Variants in LRRC4C observed in about 807,000 individuals in gnomAD.
LRRC4C encodes leucine-rich repeat-containing protein 4C.
A neutral mutation model predicts 33.6 loss-of-function variants in LRRC4C; 5 were observed. That is an observed-to-expected ratio of 0.15 (90% CI 0.08 to 0.31). LRRC4C has a LOEUF of 0.31. Ranked by LOEUF, LRRC4C falls within the 10% of genes least tolerant of loss-of-function variation. The probability of loss-of-function intolerance (pLI) is 1.00; values close to 1 mark genes in which losing one functional copy is unlikely to be tolerated. For missense variants in LRRC4C, 560 were observed against 796.7 expected (o/e 0.70, Z 3.58); for synonymous variants, 329 against 302.0 (o/e 1.09, Z -0.93).
chr11:41,259,340 G>A (rs1948902698), intron 1 of LRRC4C, among the ~76,000 whole-genome samples: 1 of 151,898 alleles, frequency 6.6e-6, no homozygotes, highest in African/African-American at 2.4e-5. Flanking sequence ...TGGTAGACAT[G>A]GTTGTATTAC....
At chr11:41,188,179 C>T (rs1209858349) in intron 1 of LRRC4C, among the ~76,000 whole-genome samples, 1 of 151,974 alleles carries the variant, frequency 6.6e-6, no homozygotes, top group Non-Finnish European at 1.5e-5. Flanking sequence ...ACACAGACTT[C>T]TTACTTCTTT....
At chr11:40,724,766 G>A (rs1947203003) in intron 2 of LRRC4C, among the ~76,000 whole-genome samples, 2 of 152,204 alleles carry the variant, frequency 1.3e-5, no homozygotes, top group East Asian at 1.9e-4. Flanking sequence ...AAATGAAATT[G>A]AGACCCCCCA....
intron 1 of LRRC4C, among the ~76,000 whole-genome samples, chr11:41,249,842 A>G (rs994257625): frequency 6.6e-6 from 1 of 152,016 alleles, no homozygotes; most frequent in South Asian, 2.1e-4. Flanking sequence ...CATATTTTGC[A>G]TTTGTCACTG....
chr11:40,226,940 G>C (rs1864843331), intron 5 of LRRC4C, among the ~76,000 whole-genome samples: 1 of 152,136 alleles, frequency 6.6e-6, no homozygotes, highest in Admixed American at 6.5e-5. Flanking sequence ...TTTTATCTCA[G>C]GATGCTGGAA....
chr11:40,726,192 T>C (rs1591559605), intron 2 of LRRC4C, among the ~76,000 whole-genome samples: 1 of 149,908 alleles, frequency 6.7e-6, no homozygotes, highest in African/African-American at 2.5e-5. Context: ...TCCTGGACCA[T>C]GTGGATTCAT....
At chr11:40,615,265 T>TATAC (rs1490740198) in intron 3 of LRRC4C, among the ~76,000 whole-genome samples, 1,014 of 53,354 alleles carry the variant, frequency 0.019, 22 homozygotes, top group African/African-American at 0.037. Context: ...TATATATATA[T>TATAC]ACACACACAC....
intron 3 of LRRC4C, among the ~76,000 whole-genome samples, chr11:40,395,664 C>G (rs998922339): frequency 2.2e-4 from 33 of 152,072 alleles, no homozygotes; most frequent in Non-Finnish European, 4.9e-4. Flanking sequence ...TATTCAATTG[C>G]TTAAAAATTC....
intron 2 of LRRC4C, among the ~76,000 whole-genome samples, chr11:40,729,585 A>T (rs1317253614): frequency 6.6e-6 from 1 of 152,002 alleles, no homozygotes; most frequent in Non-Finnish European, 1.5e-5. Flanking sequence ...CTCACTCAAC[A>T]TTTGCCTGAT....
chr11:40,389,690 C>A (rs10501231), intron 3 of LRRC4C, among the ~76,000 whole-genome samples: 54,766 of 151,796 alleles, frequency 0.36, 10,607 homozygotes, highest in East Asian at 0.5. Context: ...TATTGACTTC[C>A]AAGGACTACA....
intron 2 of LRRC4C, among the ~76,000 whole-genome samples, chr11:40,822,310 T>C (rs1191639130): frequency 6.6e-6 from 1 of 151,684 alleles, no homozygotes; most frequent in Non-Finnish European, 1.5e-5. Flanking sequence ...TCTATCCATG[T>C]TTCTATAAAT....
chr11:40,653,647 G>A (rs930034318), intron 2 of LRRC4C, among the ~76,000 whole-genome samples: 4 of 152,190 alleles, frequency 2.6e-5, no homozygotes, highest in African/African-American at 4.8e-5. Context: ...GAACATAAAA[G>A]TTTGGAAAAT....
intron 3 of LRRC4C, among the ~76,000 whole-genome samples, chr11:40,610,054 T>C (rs1306223257): frequency 6.6e-6 from 1 of 151,850 alleles, no homozygotes. Context: ...AGGCCAGCAT[T>C]ACCAAAGTCA....
Position 40,329,172 on chromosome 11 carries a change from CA to C in LRRC4C, c.-269-9452del, listed in dbSNP as rs556772520. ...CTCATTATGTATTCTGCTAATAGCACAAGGATGTGAAAATAACAGTTAGTTC... is the reference window on the plus strand; with the variant it reads ...CTCATTATGTATTCTGCTAATAGCACAGGATGTGAAAATAACAGTTAGTTC... On this transcript the variant is annotated intron_variant, in intron 3 of 6. Coordinates refer to ENST00000528697, the MANE Select transcript of LRRC4C (RefSeq NM_001258419.2). 4.5e-4 allele frequency among the ~76,000 whole-genome samples: 69 copies of C among 152,198 alleles called. 3 individuals are homozygous for C. The South Asian group carries it at 0.012, about 27-fold the overall frequency.
At chr11:40,469,377 C>T (rs759557023) in intron 3 of LRRC4C, among the ~76,000 whole-genome samples, 21 of 152,158 alleles carry the variant, frequency 1.4e-4, no homozygotes, top group Admixed American at 3.3e-4. Context: ...CCGTGGTCTT[C>T]GCAACCCACA....
chr11:40,591,161 T>C (rs1959036296), intron 3 of LRRC4C, among the ~76,000 whole-genome samples: 1 of 152,098 alleles, frequency 6.6e-6, no homozygotes, highest in Non-Finnish European at 1.5e-5. Flanking sequence ...CCGAGCCAGG[T>C]ACCGGATATA....
At chr11:41,111,188 G>A (rs1184303221) in intron 1 of LRRC4C, among the ~76,000 whole-genome samples, 1 of 152,110 alleles carries the variant, frequency 6.6e-6, no homozygotes, top group Non-Finnish European at 1.5e-5. Context: ...GTTGCACAAT[G>A]AGTAAGAGAC....
chr11:40,523,714 A>G (rs1955921731), intron 3 of LRRC4C, among the ~76,000 whole-genome samples: 1 of 151,948 alleles, frequency 6.6e-6, no homozygotes, highest in Non-Finnish European at 1.5e-5. Context: ...CTAACATGAC[A>G]TCTGGGACTC....
chr11:40,549,320 A>G (rs1410464978), intron 3 of LRRC4C, among the ~76,000 whole-genome samples: 1 of 152,158 alleles, frequency 6.6e-6, no homozygotes, highest in Non-Finnish European at 1.5e-5. Flanking sequence ...CTGCAATGTC[A>G]TCTTGACTAG....
At chr11:41,426,648 T>C (rs935336485) in intron 1 of LRRC4C, 1 of 152,212 alleles carries the variant, frequency 6.6e-6, no homozygotes, top group Non-Finnish European at 1.5e-5. Flanking sequence ...AGCTAAATGT[T>C]TCAGTTTTCT....
Sources: gnomAD v4.1 joint callset for allele counts (sites outside exome capture counted in the v4.1 genomes callset) on GRCh38, gnomAD v4.1.1 for gene constraint, MANE v1.5 for transcripts, NCBI Gene and HGNC (gene_info 2026-07-23, HGNC 2026-07-21) for gene names.